Variants in ITFG1 observed in about 807,000 individuals in gnomAD.
The protein encoded by ITFG1 is integrin alpha FG-GAP repeat containing 1.
Under a neutral mutation model 81.8 loss-of-function variants are expected in ITFG1, and 34 were observed. That is an observed-to-expected ratio of 0.42 (90% CI 0.32 to 0.55). ITFG1 has a LOEUF of 0.55. Ranked by LOEUF, ITFG1 falls within the 20% of genes least tolerant of loss-of-function variation. ITFG1 has a pLI of 0.17. For synonymous variants in ITFG1, 285 were observed against 270.6 expected (o/e 1.05, Z -0.52); for missense variants, 672 against 755.4 (o/e 0.89, Z 1.29).
intron 14 of ITFG1, among the ~76,000 whole-genome samples, chr16:47,178,884 AAATC>A (rs1965063604): frequency 6.6e-6 from 1 of 152,160 alleles, no homozygotes; most frequent in Admixed American, 6.5e-5. Context: ...TTACAAGAAA[AAATC>A]AAACAACCCC....
intron 8 of ITFG1, among the ~76,000 whole-genome samples, chr16:47,324,523 T>A (rs1024276854): frequency 6.6e-6 from 1 of 152,176 alleles, no homozygotes; most frequent in Non-Finnish European, 1.5e-5. Context: ...AATGCTCCAA[T>A]TAAAAGGCAC....
At chr16:47,385,623 T>C (rs1968451619) in intron 6 of ITFG1, among the ~76,000 whole-genome samples, 1 of 152,242 alleles carries the variant, frequency 6.6e-6, no homozygotes, top group South Asian at 2.1e-4. Context: ...CTTCAATCAT[T>C]CTAATGCAGC....
intron 6 of ITFG1, among the ~76,000 whole-genome samples, chr16:47,425,380 C>T (rs1416504384): frequency 6.6e-6 from 1 of 152,132 alleles, no homozygotes; most frequent in East Asian, 1.9e-4. Flanking sequence ...GAAAGGAAAT[C>T]CCCTGACCCC....
At chr16:47,336,701 T>G (rs957601292) in intron 8 of ITFG1, among the ~76,000 whole-genome samples, 5 of 152,154 alleles carry the variant, frequency 3.3e-5, no homozygotes, top group Admixed American at 3.3e-4. Context: ...TGGTGGCTCA[T>G]GCCTGTAATC....
rs143776852 is a variant in ITFG1, at chr16:47,322,934, C to T, written c.803-9111G>A. Among the ~76,000 whole-genome samples, 3 of 152,094 alleles carry T rather than the reference C, an allele frequency of 2.0e-5. No individual in the cohort carries two copies. The East Asian group carries it at 5.8e-4, about 29-fold the overall frequency. ...ATTCAGGATGATTATTTTTCTCTTG[C>T]CAAGGTCTGAGATAAACCATTCTAT... On this transcript the variant is annotated intron_variant, in intron 8 of 17. Transcript: ENST00000320640.
chr16:47,253,517 A>G (rs1244457511), intron 12 of ITFG1, among the ~76,000 whole-genome samples: 1 of 152,158 alleles, frequency 6.6e-6, no homozygotes, highest in Non-Finnish European at 1.5e-5. Flanking sequence ...TTATGATTAT[A>G]AGTTAGGGCA....
chr16:47,404,259 T>C (rs1968700324), intron 6 of ITFG1, among the ~76,000 whole-genome samples: 1 of 152,082 alleles, frequency 6.6e-6, no homozygotes, highest in South Asian at 2.1e-4. Flanking sequence ...CTGCCTTTAA[T>C]GGCAAGACTT....
At chr16:47,393,632 G>A (rs900956251) in intron 6 of ITFG1, among the ~76,000 whole-genome samples, 2 of 152,190 alleles carry the variant, frequency 1.3e-5, no homozygotes, top group South Asian at 2.1e-4. Context: ...TAGGGAGGCT[G>A]AGGCATAAGA....
chr16:47,168,977 G>T (rs947109625), intron 14 of ITFG1, among the ~76,000 whole-genome samples: 1 of 151,950 alleles, frequency 6.6e-6, no homozygotes, highest in South Asian at 2.1e-4. Flanking sequence ...TTTGTTGAAG[G>T]TACTCTTCTT....
intron 14 of ITFG1, among the ~76,000 whole-genome samples, chr16:47,214,831 T>G (rs1334442560): frequency 1.3e-5 from 2 of 152,062 alleles, no homozygotes; most frequent in African/African-American, 4.8e-5. Context: ...TTTATGTTGT[T>G]GTTGTTATTT....
intron 14 of ITFG1, among the ~76,000 whole-genome samples, chr16:47,182,190 A>AC (rs1420061783): frequency 6.6e-6 from 1 of 152,074 alleles, no homozygotes; most frequent in African/African-American, 2.4e-5. Flanking sequence ...AAAAAAAAAA[A>AC]AAACAAAAAA....
intron 8 of ITFG1, among the ~76,000 whole-genome samples, chr16:47,330,603 C>T (rs999301401): frequency 3.3e-5 from 5 of 151,898 alleles, no homozygotes; most frequent in Admixed American, 6.6e-5. Flanking sequence ...TATCCAGAAT[C>T]GATAAGGAAC....
At chr16:47,229,671 A>G (rs900729998) in intron 13 of ITFG1, among the ~76,000 whole-genome samples, 10 of 151,754 alleles carry the variant, frequency 6.6e-5, no homozygotes, top group African/African-American at 9.7e-5. Context: ...GGAAAGAATG[A>G]TAATCTAGTA....
At chr16:47,443,904 AAAAT>A (rs1295611341) in intron 5 of ITFG1, among the ~76,000 whole-genome samples, 4 of 152,110 alleles carry the variant, frequency 2.6e-5, no homozygotes. Context: ...TAATAATAAT[AAAAT>A]AAATAAAATA....
chr16:47,341,586 A>G (rs1026249114), intron 8 of ITFG1, among the ~76,000 whole-genome samples: 2 of 151,912 alleles, frequency 1.3e-5, no homozygotes, highest in Non-Finnish European at 2.9e-5. Context: ...ACAAAGTCCA[A>G]AGAGCAAAGA....
chr16:47,173,411 A>C (rs1964984109), intron 14 of ITFG1, among the ~76,000 whole-genome samples: 1 of 152,230 alleles, frequency 6.6e-6, no homozygotes, highest in Non-Finnish European at 1.5e-5. Flanking sequence ...TTAGCCACTC[A>C]ATATATTTTT....
intron 14 of ITFG1, among the ~76,000 whole-genome samples, chr16:47,169,824 T>G (rs929928855): frequency 7.9e-5 from 12 of 152,224 alleles, no homozygotes; most frequent in Admixed American, 7.2e-4. Flanking sequence ...TGATTTTTCT[T>G]ATAAATGCCC....
intron 10 of ITFG1, among the ~76,000 whole-genome samples, chr16:47,268,370 A>C (rs1966301967): frequency 6.6e-6 from 1 of 152,222 alleles, no homozygotes; most frequent in African/African-American, 2.4e-5. Flanking sequence ...GCAGTGTAAC[A>C]GTCTCCAAAA....
At chr16:47,158,841 C>T in intron 17 of ITFG1, 32 bp downstream of exon 17, 1 of 1,223,918 alleles carries the variant, frequency 8.2e-7, no homozygotes, top group Non-Finnish European at 1.2e-6. Flanking sequence ...AATAAATTAA[C>T]CAAAATTAAT....
Sources: gnomAD v4.1 joint callset for allele counts (sites outside exome capture counted in the v4.1 genomes callset) on GRCh38, gnomAD v4.1.1 for gene constraint, MANE v1.5 for transcripts, NCBI Gene and HGNC (gene_info 2026-07-23, HGNC 2026-07-21) for gene names.